ZNF536: variants seen among roughly 807,000 people sequenced by gnomAD.
ZNF536 encodes zinc finger protein 536.
In ZNF536, 13 loss-of-function variants were observed where a neutral mutation model predicts 84.5. The ratio of observed to expected loss-of-function variants is 0.15; its 90% CI spans 0.10 to 0.24. The LOEUF (loss-of-function observed/expected upper bound fraction) is 0.24. ZNF536 is among the 10% of genes least tolerant of loss of function. The pLI is 1.00. For missense variants in ZNF536, 1,536 were observed against 1,747.5 expected (o/e 0.88, Z 2.16); for synonymous variants, 811 against 742.5 (o/e 1.09, Z -1.50).
intron 1 of ZNF536, among the ~76,000 whole-genome samples, chr19:30,260,845 T>C (rs2025170466): frequency 6.6e-6 from 1 of 152,082 alleles, no homozygotes; most frequent in African/African-American, 2.4e-5. Flanking sequence ...CTCCTAGAAA[T>C]AAGGAGACAA....
chr19:30,313,263 C>G (rs920360563), intron 2 of ZNF536, among the ~76,000 whole-genome samples: 1 of 152,202 alleles, frequency 6.6e-6, no homozygotes, highest in Admixed American at 6.5e-5. Flanking sequence ...GCGCCTTGTA[C>G]AGTGAGCTTT....
At chr19:30,362,286 G>A (rs374166028) in intron 3 of ZNF536, among the ~76,000 whole-genome samples, 11 of 152,170 alleles carry the variant, frequency 7.2e-5, no homozygotes, top group African/African-American at 2.6e-4. Flanking sequence ...AGGCAGAGGC[G>A]GGCGGCTTTC....
At chr19:30,508,378 C>G (rs531557459) in intron 2 of ZNF536, among the ~76,000 whole-genome samples, 1 of 152,170 alleles carries the variant, frequency 6.6e-6, no homozygotes, top group Non-Finnish European at 1.5e-5. Flanking sequence ...TGGGGAGGAC[C>G]TTTCTTCTGG....
upstream of ZNF536, among the ~76,000 whole-genome samples, chr19:30,367,730 G>A (rs1268208673): frequency 6.6e-6 from 1 of 152,194 alleles, no homozygotes; most frequent in African/African-American, 2.4e-5. Flanking sequence ...ATGAGAGTCT[G>A]GAGTAGCTGA....
At chr19:30,353,365 A>T (rs997210101) in intron 3 of ZNF536, among the ~76,000 whole-genome samples, 4 of 152,040 alleles carry the variant, frequency 2.6e-5, no homozygotes, top group South Asian at 2.1e-4. Context: ...GCAGCGTAAG[A>T]GTGGGAAGTT....
At chr19:30,270,385 T>C (rs566618529) in intron 1 of ZNF536, among the ~76,000 whole-genome samples, 1 of 152,352 alleles carries the variant, frequency 6.6e-6, no homozygotes, top group African/African-American at 2.4e-5. Flanking sequence ...TTTTTGGGGC[T>C]CTGATACTTT....
At chr19:30,306,158 G>C (rs971921864) in intron 2 of ZNF536, among the ~76,000 whole-genome samples, 2 of 149,890 alleles carry the variant, frequency 1.3e-5, no homozygotes, top group Non-Finnish European at 3.0e-5. Flanking sequence ...CTTGCTAGCT[G>C]ACCAGGCCAG....
chr19:30,554,338 A>G (rs752810416), intron 4 of ZNF536: 1 of 146,866 alleles, frequency 6.8e-6, no homozygotes, highest in African/African-American at 2.5e-5. Context: ...GCTCACGGCA[A>G]CTTCCGTCTC....
At chr19:30,248,355 A>G (rs886410792) in intron 1 of ZNF536, among the ~76,000 whole-genome samples, 9 of 149,912 alleles carry the variant, frequency 6.0e-5, no homozygotes, top group Non-Finnish European at 1.0e-4. Flanking sequence ...TCAGCCTCCC[A>G]AGGTGCTGGG....
chr19:30,269,257 G>T (rs955599285), intron 1 of ZNF536, among the ~76,000 whole-genome samples: 1 of 152,220 alleles, frequency 6.6e-6, no homozygotes, highest in African/African-American at 2.4e-5. Context: ...TACAAGGTGG[G>T]TGTCCGGAGA....
intron 1 of ZNF536, among the ~76,000 whole-genome samples, chr19:30,229,571 T>TGGG (rs60120185): frequency 0.07 from 10,591 of 151,360 alleles, 501 homozygotes; most frequent in East Asian, 0.13. Flanking sequence ...CTGCGGGTGG[T>TGGG]GGGGGGGGCT....
chr19:30,629,882 C>T (rs545759749), intron 1 of ZNF536, among the ~76,000 whole-genome samples: 2 of 152,360 alleles, frequency 1.3e-5, no homozygotes, highest in African/African-American at 4.8e-5. Flanking sequence ...GACACAGGCA[C>T]AGTGGTCCCT....
chr19:30,454,520 A>G (rs1447051030), intron 2 of ZNF536, among the ~76,000 whole-genome samples: 2 of 152,222 alleles, frequency 1.3e-5, no homozygotes, highest in African/African-American at 2.4e-5. Flanking sequence ...CTAAATATGT[A>G]TATTTTTAAA....
chr19:30,474,331 C>G (rs73924763), intron 2 of ZNF536, among the ~76,000 whole-genome samples: 7,596 of 151,098 alleles, frequency 0.05, 300 homozygotes, highest in East Asian at 0.092. Flanking sequence ...CTCTCTCTCT[C>G]TGTGTGTGTG....
chr19:30,410,465 CTTTTTTTTT>C (rs201561646), intron 1 of ZNF536, among the ~76,000 whole-genome samples: 1 of 122,632 alleles, frequency 8.2e-6, no homozygotes, highest in Non-Finnish European at 1.6e-5. Context: ...AAGTGAAGGT[CTTTTTTTTT>C]TTTTTTTTTT....
intron 2 of ZNF536, among the ~76,000 whole-genome samples, chr19:30,480,574 G>T (rs571661775): frequency 6.6e-6 from 1 of 152,106 alleles, no homozygotes; most frequent in Non-Finnish European, 1.5e-5. Context: ...GGGAGGGAGA[G>T]CGTTAGGACA....
At chr19:30,553,590 A>G (rs888728284) in intron 4 of ZNF536, among the ~76,000 whole-genome samples, 3 of 152,220 alleles carry the variant, frequency 2.0e-5, no homozygotes, top group Non-Finnish European at 4.4e-5. Context: ...CAGGGAAAAG[A>G]GCACACTCCC....
chr19:30,655,432 G>C (rs11666019), intron 1 of ZNF536, among the ~76,000 whole-genome samples: 1 of 152,190 alleles, frequency 6.6e-6, no homozygotes, highest in Non-Finnish European at 1.5e-5. Context: ...TGAGAACCCA[G>C]CATGCTGATT....
At chr19:30,496,274 T>G (rs898867173) in intron 2 of ZNF536, among the ~76,000 whole-genome samples, 1 of 152,156 alleles carries the variant, frequency 6.6e-6, no homozygotes, top group African/African-American at 2.4e-5. Flanking sequence ...AGTTCTCGAC[T>G]TGTCAAACTT....
Sources: allele counts gnomAD v4.1 joint callset (sites outside exome capture counted in the v4.1 genomes callset), GRCh38; gene constraint gnomAD v4.1.1; transcripts MANE v1.5; gene names NCBI Gene and HGNC (gene_info 2026-07-23, HGNC 2026-07-21).